Variants in MAPKAPK3 observed in about 807,000 individuals in gnomAD.
MAPKAPK3 encodes MAPK activated protein kinase 3.
MAPKAPK3 carries 35 observed loss-of-function variants against 49.2 expected under a neutral mutation model. That is an observed-to-expected ratio of 0.71 (90% CI 0.54 to 0.94). The LOEUF is 0.94. MAPKAPK3 is among the 40% of genes least tolerant of loss of function. The probability of loss-of-function intolerance (pLI) is 0.00; values close to 1 mark genes in which losing one functional copy is unlikely to be tolerated. For synonymous variants in MAPKAPK3, 178 were observed against 188.7 expected, an observed-to-expected ratio of 0.94 and a Z score of 0.46; for missense variants, 398 against 493.1, an observed-to-expected ratio of 0.81 and a Z score of 1.83.
intron 2 of MAPKAPK3, among the ~76,000 whole-genome samples, chr3:50,635,591 A>G (rs1256587088): frequency 6.6e-6 from 1 of 150,804 alleles, no homozygotes. Context: ...TAATTTTTGT[A>G]TTTTTAGTAG....
upstream of MAPKAPK3, among the ~76,000 whole-genome samples, chr3:50,614,935 T>A (rs1356312823): frequency 6.6e-6 from 1 of 152,230 alleles, no homozygotes; most frequent in African/African-American, 2.4e-5. Context: ...GTTTTACTTA[T>A]GCAACTTAAA....
At chr3:50,637,693 AAGAGAGAGAGAGAG>A (rs34205773) in intron 2 of MAPKAPK3, among the ~76,000 whole-genome samples, 34 of 144,990 alleles carry the variant, frequency 2.3e-4, no homozygotes, top group Non-Finnish European at 4.7e-4. Flanking sequence ...CAGAGAGAGA[AAGAGAGAGAGAGAG>A]AGAGAGAGAG....
intron 2 of MAPKAPK3, among the ~76,000 whole-genome samples, chr3:50,620,441 C>T (rs1001737611): frequency 6.6e-6 from 1 of 152,210 alleles, no homozygotes; most frequent in Non-Finnish European, 1.5e-5. Flanking sequence ...TATAACTTGA[C>T]CTTGTTCAGG....
At chr3:50,628,339 G>C (rs148285555) in intron 2 of MAPKAPK3, among the ~76,000 whole-genome samples, 185 of 152,336 alleles carry the variant, frequency 1.2e-3, no homozygotes, top group African/African-American at 3.5e-3. Flanking sequence ...CAACTGGCCA[G>C]TTGGGGGCAC....
chr3:50,615,046 A>G (rs2032428789), upstream of MAPKAPK3, among the ~76,000 whole-genome samples: 1 of 152,264 alleles, frequency 6.6e-6, no homozygotes, highest in Non-Finnish European at 1.5e-5. Context: ...TTCACAGAAC[A>G]TTCAGTGGGA....
At chr3:50,625,906 C>T (rs935932877) in intron 2 of MAPKAPK3, among the ~76,000 whole-genome samples, 1 of 152,046 alleles carries the variant, frequency 6.6e-6, no homozygotes, top group Non-Finnish European at 1.5e-5. Flanking sequence ...TCCCCCACCC[C>T]CACCCCAGGG....
chr3:50,617,871 A>G lies in MAPKAPK3; in HGVS notation c.219+87A>G, dbSNP rs1165892562. ...TGAAGCTATGTCTAGCGCCCCTGCT[A>G]AGCTTCCTATGCTCAGCAACATGTT... On this transcript the variant is annotated intron_variant, in intron 2 of 10. Coordinates refer to ENST00000621469, the MANE Select transcript of MAPKAPK3 (RefSeq NM_001243925.2). 5.0e-5 allele frequency: 51 copies of G among 1,028,334 alleles called. 1 individual carries two copies. Among genetic ancestry groups the G allele is most frequent in the South Asian group, 3.9e-4 (29 of 73,722 alleles). 63.7% of individuals were successfully genotyped at this position (1,028,334 alleles called of 1,614,324 possible). A position where few individuals can be genotyped will look rare whatever the true frequency, so the allele number is the denominator to read the frequency against.
chr3:50,617,548 G>A lies in MAPKAPK3; in HGVS notation c.-18G>A. On this transcript the variant is annotated 5_prime_UTR_variant, in exon 2 of 11. Coordinates refer to ENST00000621469, the MANE Select transcript of MAPKAPK3 (RefSeq NM_001243925.2). ...GAAGCGCCAGGCTGGGGCCGCCTCT[G>A]AGCGCCCCGCGGGGGCCATGGATGG... 1 of 1,344,824 alleles carries A rather than the reference G, an allele frequency of 7.4e-7. No homozygotes were observed. The highest frequency in any genetic ancestry group is 2.6e-4 in the Middle Eastern group (1 of 3,852). The allele number at this position is 1,344,824 out of a possible 1,614,324, so 83.3% of individuals were successfully genotyped here. A position where few individuals can be genotyped will look rare whatever the true frequency, so the allele number is the denominator to read the frequency against.
At position 50,617,655 on chromosome 3, in the gene MAPKAPK3, G is replaced by T. The variant is rs757254886; in HGVS notation, c.90G>T (p.Gly30=). 1 of 1,610,582 alleles carries T rather than the reference G, an allele frequency of 6.2e-7. No homozygotes were observed. Among genetic ancestry groups the T allele is most frequent in the Non-Finnish European group, 8.5e-7 (1 of 1,177,604 alleles). ...CCGGCTTGGGCGGTGCTCCGGGGGG[G>T]CGGCGGGAGCCCAAGAAGTACGCAG... ...GGPGLGGAPG[G]RREPKKYAVT... The change falls in exon 2 of 11, where the codon GGG becomes GGT. Residue 30 remains glycine, a synonymous_variant. Transcript: ENST00000621469.
At chr3:50,628,897 G>A (rs2032831651) in intron 2 of MAPKAPK3, among the ~76,000 whole-genome samples, 1 of 152,200 alleles carries the variant, frequency 6.6e-6, no homozygotes, top group African/African-American at 2.4e-5. Flanking sequence ...TTTGCAGGAG[G>A]GACATTGTTC....
At chr3:50,626,743 T>C (rs1006332699) in intron 2 of MAPKAPK3, among the ~76,000 whole-genome samples, 3 of 152,116 alleles carry the variant, frequency 2.0e-5, no homozygotes, top group Non-Finnish European at 2.9e-5. Flanking sequence ...GCCCATGCCA[T>C]GGATGCAGAG....
intron 1 of MAPKAPK3, 28 bp from the exon 2 acceptor site, chr3:50,617,486 C>T (rs1212224259): frequency 4.2e-6 from 3 of 711,874 alleles, no homozygotes; most frequent in Non-Finnish European, 4.8e-6. Context: ...AAAGTCTGGG[C>T]GGGACTCACT....
In MAPKAPK3 at chr3:50,640,369, C is replaced by T. The variant is rs2033147213; in HGVS notation, c.223C>T (p.Leu75=). The T allele has an allele frequency of 6.2e-7, 1 of 1,613,444 alleles. No homozygotes were observed. ...RTGQKCALKL[L]YDSPKARQEV... ...TTCTATGTGCACCCACCTACAGCTCCTGTATGACAGCCCCAAGGCCCGGCA... is the reference window on the plus strand; with the variant it reads ...TTCTATGTGCACCCACCTACAGCTCTTGTATGACAGCCCCAAGGCCCGGCA... Residue 75 remains leucine, a synonymous_variant, in exon 3 of 11, where the codon CTG becomes TTG. Transcript: ENST00000621469.
chr3:50,617,380 C>T (rs2107569499), intron 1 of MAPKAPK3, 134 bp from the exon 2 acceptor site: 1 of 552,650 alleles, frequency 1.8e-6, no homozygotes, highest in Non-Finnish European at 3.2e-6. Flanking sequence ...CCTTGCTGCA[C>T]GTCTGTACTC....
chr3:50,640,695 T>G (rs1194843398), intron 3 of MAPKAPK3, among the ~76,000 whole-genome samples, 190 bp downstream of exon 3: 1 of 152,178 alleles, frequency 6.6e-6, no homozygotes, highest in Admixed American at 6.5e-5. Context: ...ATAAGGACAT[T>G]CCCTCAAGGG....
intron 6 of MAPKAPK3, among the ~76,000 whole-genome samples, chr3:50,645,062 CA>C (rs1010447863): frequency 9.2e-5 from 14 of 152,122 alleles, no homozygotes; most frequent in African/African-American, 3.4e-4. Flanking sequence ...TGTTCCTTGC[CA>C]AAACTGCCCC....
rs1232860234 is a variant in MAPKAPK3 at position 50,648,204 on chromosome 3, A to AC, written c.*161dup. Reference sequence around the variant, plus strand: ...CGGAACTTCAGGATGGAGGACCCTGACCCTAAACCTCCTTCAGATCTCTGG... The same window carrying AC: ...CGGAACTTCAGGATGGAGGACCCTGACCCCTAAACCTCCTTCAGATCTCTGG... On this transcript the variant is annotated 3_prime_UTR_variant, in exon 11 of 11. Transcript: ENST00000621469. 4.1e-5 allele frequency: 32 copies of AC among 776,814 alleles called. No individual in the cohort carries two copies. Among genetic ancestry groups the AC allele is most frequent in the Non-Finnish European group, 6.1e-5 (30 of 494,294 alleles). The allele number at this position is 776,814 out of a possible 1,614,324, so 48.1% of individuals were successfully genotyped here.
intron 2 of MAPKAPK3, among the ~76,000 whole-genome samples, chr3:50,631,487 T>C (rs1008542227): frequency 1.3e-5 from 2 of 152,192 alleles, no homozygotes; most frequent in African/African-American, 4.8e-5. Flanking sequence ...ATTCTCTGAG[T>C]GGGCAAAGCA....
At chr3:50,634,717 C>T (rs2032993584) in intron 2 of MAPKAPK3, among the ~76,000 whole-genome samples, 1 of 152,178 alleles carries the variant, frequency 6.6e-6, no homozygotes, top group African/African-American at 2.4e-5. Flanking sequence ...TCTCAAACTC[C>T]TGACCTCAGG....
Sources: gnomAD v4.1 joint callset for allele counts (sites outside exome capture counted in the v4.1 genomes callset) on GRCh38, gnomAD v4.1.1 for gene constraint, MANE v1.5 for transcripts, NCBI Gene and HGNC (gene_info 2026-07-23, HGNC 2026-07-21) for gene names.